Variants in ATM observed in about 807,000 individuals in gnomAD.
ATM encodes serine-protein kinase ATM.
ATM carries 308 observed loss-of-function variants against 387.0 expected under a neutral mutation model. The ratio of observed to expected loss-of-function variants is 0.80; its 90% confidence interval spans 0.73 to 0.87. The LOEUF (loss-of-function observed/expected upper bound fraction) is 0.87, where lower values mean the gene tolerates loss of function less well. ATM is among the 40% of genes least tolerant of loss of function. The pLI is 0.00. For missense variants in ATM, 3,312 were observed against 3,560.9 expected (o/e 0.93, Z 1.78); for synonymous variants, 1,156 against 1,187.3 (o/e 0.97, Z 0.54).
At chr11:108,327,148 T>C (rs1326504534) in intron 47 of ATM, among the ~76,000 whole-genome samples, 1 of 152,150 alleles carries the variant, frequency 6.6e-6, no homozygotes, top group East Asian at 1.9e-4. Context: ...TTTTTGATGT[T>C]GGGCACTCAT....
chr11:108,365,028 G>C (rs1489074906), intron 61 of ATM, 54 bp from the exon 62 acceptor site: 2 of 1,590,564 alleles, frequency 1.3e-6, no homozygotes, highest in Non-Finnish European at 1.7e-6. Context: ...CTGTTTCTAA[G>C]TATGTGATTA....
Position 108,330,296 on chromosome 11 carries a change from T to C in ATM, c.7390T>C (p.Cys2464Arg), listed in dbSNP as rs55801750. ...ALKEDRKRFL[C>R]KAVENYINCL... ...GAAAGAGGATCGTAAACGCTTCTTATGTAAAGCAGTTGAAAATTATATCAA... is the reference window on the plus strand; with the variant it reads ...GAAAGAGGATCGTAAACGCTTCTTACGTAAAGCAGTTGAAAATTATATCAA... The change falls in exon 50 of 63, where the codon TGT (cysteine) becomes CGT (arginine). Residue 2464 changes from cysteine (C) to arginine (R), a missense_variant. Around this residue, in one of 4 missense-constraint regions of ATM, gnomAD observed 1,405 missense variants for 1,604.4 expected, o/e 0.88. Coordinates refer to ENST00000675843, the MANE Select transcript of ATM (RefSeq NM_000051.4). 5.6e-4 allele frequency: 907 copies of C among 1,614,094 alleles called. No homozygotes were observed. The highest frequency in any genetic ancestry group is 7.4e-4 in the Non-Finnish European group (870 of 1,180,026).
At chr11:108,354,688 G>C in intron 60 of ATM, 123 bp from the exon 61 acceptor site, 1 of 878,464 alleles carries the variant, frequency 1.1e-6, no homozygotes, top group East Asian at 2.4e-5. Flanking sequence ...GCTATTTTGA[G>C]ATACAGATAT....
rs974245461 is a variant in ATM at position 108,368,373 on chromosome 11, GTAGT to G, written c.*2869_*2872del. ...GAAAACTGCCAAGGACAAATGAGGA[GTAGT>G]TAGATTTTGAAAATATTAATCATAG... On this transcript the variant is annotated 3_prime_UTR_variant, in exon 63 of 63. Coordinates refer to ENST00000675843, the MANE Select transcript of ATM (RefSeq NM_000051.4). The G allele has an allele frequency of 9.5e-6, 2 of 211,338 alleles. No homozygotes were observed. The highest frequency in any genetic ancestry group is 1.9e-5 in the Non-Finnish European group (2 of 104,432). 13.1% of individuals were successfully genotyped at this position (211,338 alleles called of 1,614,324 possible). A position where few individuals can be genotyped will look rare whatever the true frequency, so the allele number is the denominator to read the frequency against.
chr11:108,358,377 T>C (rs2090289546), intron 61 of ATM, among the ~76,000 whole-genome samples: 2 of 146,996 alleles, frequency 1.4e-5, no homozygotes, highest in Non-Finnish European at 3.0e-5. Flanking sequence ...CTCTGCAGGA[T>C]ATTATCCAGG....
chr11:108,281,651 C>T (rs1327365575), intron 24 of ATM, among the ~76,000 whole-genome samples: 1 of 152,174 alleles, frequency 6.6e-6, no homozygotes, highest in Admixed American at 6.5e-5. Flanking sequence ...AGAATGTTGG[C>T]CCCGTCTCTT....
chr11:108,313,516 A>C (rs1315367073), intron 40 of ATM, among the ~76,000 whole-genome samples: 1 of 152,016 alleles, frequency 6.6e-6, no homozygotes, highest in Non-Finnish European at 1.5e-5. Flanking sequence ...CTTTTCCTTA[A>C]TGTTTTATTA....
intron 27 of ATM, among the ~76,000 whole-genome samples, 185 bp from the exon 28 acceptor site, chr11:108,288,792 T>C (rs1372657962): frequency 1.3e-5 from 2 of 152,192 alleles, no homozygotes; most frequent in Admixed American, 6.5e-5. Context: ...ATTTAGATAA[T>C]CTGATTTATA....
intron 16 of ATM, 123 bp downstream of exon 16, chr11:108,259,198 T>A: frequency 2.2e-6 from 2 of 925,786 alleles, no homozygotes; most frequent in Non-Finnish European, 3.4e-6. Flanking sequence ...TTTACAAATG[T>A]GGAAATTAAG....
chr11:108,227,351 A>G, intron 1 of ATM: 1 of 401,676 alleles, frequency 2.5e-6, no homozygotes, highest in South Asian at 3.2e-5. Context: ...TACTGCAAGC[A>G]AGGCAAACAT....
chr11:108,363,434 T>C (rs1219983947), intron 61 of ATM, among the ~76,000 whole-genome samples: 1 of 152,172 alleles, frequency 6.6e-6, no homozygotes, highest in Non-Finnish European at 1.5e-5. Context: ...TGTGTTATGC[T>C]AAGGAAATAT....
chr11:108,354,070 A>ACACACACACACACACAC (rs2089570249), intron 60 of ATM, among the ~76,000 whole-genome samples, 190 bp downstream of exon 60: 10 of 114,832 alleles, frequency 8.7e-5, no homozygotes, highest in African/African-American at 2.4e-4. Flanking sequence ...CACACACACA[A>ACACACACACACACACAC]ACACACACAC....
At chr11:108,318,904 G>A (rs972682728) in intron 43 of ATM, among the ~76,000 whole-genome samples, 3 of 152,068 alleles carry the variant, frequency 2.0e-5, no homozygotes, top group Admixed American at 6.6e-5. Context: ...GGCCGAGCGC[G>A]GTGGCTCATG....
intron 61 of ATM, 142 bp from the exon 62 acceptor site, chr11:108,364,940 C>A: frequency 1.1e-6 from 1 of 884,702 alleles, no homozygotes; most frequent in South Asian, 1.6e-5. Context: ...CTCAAGGAAA[C>A]ATGAAGTGTG....
chr11:108,357,041 A>T (rs1052125546), intron 61 of ATM, among the ~76,000 whole-genome samples: 1 of 152,360 alleles, frequency 6.6e-6, no homozygotes, highest in Middle Eastern at 3.4e-3. Flanking sequence ...TACCAGGTTC[A>T]TCTCACTAGG....
At position 108,325,947 on chromosome 11, in the gene ATM, A is replaced by G. The variant is rs891367053; in HGVS notation, c.6808-111A>G. The G allele has an allele frequency of 5.3e-6, 7 of 1,319,872 alleles. No individual in the cohort carries two copies. The African/African-American group carries it at 7.3e-5, about 14-fold the overall frequency. 81.8% of individuals were successfully genotyped at this position (1,319,872 alleles called of 1,614,324 possible). A position where few individuals can be genotyped will look rare whatever the true frequency, so the allele number is the denominator to read the frequency against. ...AGAGGTCCTTAAGATAGTCCCTGACAAGTAGTTAAGTCCTCAATGAATGGT... is the reference window on the plus strand; with the variant it reads ...AGAGGTCCTTAAGATAGTCCCTGACGAGTAGTTAAGTCCTCAATGAATGGT... On this transcript the variant is annotated intron_variant, in intron 46 of 62. Transcript: ENST00000675843.
chr11:108,308,408 A>G (rs1055080099), intron 38 of ATM: 2 of 243,418 alleles, frequency 8.2e-6, no homozygotes, highest in Admixed American at 1.0e-4. Flanking sequence ...AAGTTTCTTT[A>G]CTGTGTGCAG....
chr11:108,292,854 T>G lies in ATM; in HGVS notation c.4611+61T>G. The G allele has an allele frequency of 1.9e-6, 3 of 1,567,056 alleles. No homozygotes were observed. In the South Asian group the frequency reaches 3.4e-5, roughly 18 times the overall value. On this transcript the variant is annotated intron_variant, in intron 30 of 62. Transcript: ENST00000675843. ...AATATATAAAGTATTGTTAGAAGGA[T>G]TTGAGTGTTTTATGTTTATTTGGTA... is the stretch of plus-strand genomic sequence containing the variant.
In ATM at chr11:108,276,793, G is replaced by A. The variant is rs1244040273; in HGVS notation, c.3285-2698G>A. Among the ~76,000 whole-genome samples the A allele has an allele frequency of 6.6e-6, 1 of 152,160 alleles. No individual in the cohort carries two copies. Among genetic ancestry groups the A allele is most frequent in the Non-Finnish European group, 1.5e-5 (1 of 68,032 alleles). Reference sequence around the variant, plus strand: ...CAGCGGGAGCTCTTCTGTATGAGGTGTCTGTCGACCCCTGCTGGGAGGTGT... The same window carrying A: ...CAGCGGGAGCTCTTCTGTATGAGGTATCTGTCGACCCCTGCTGGGAGGTGT... On this transcript the variant is annotated intron_variant, in intron 22 of 62. Coordinates refer to ENST00000675843, the MANE Select transcript of ATM (RefSeq NM_000051.4).
Sources: allele counts gnomAD v4.1 joint callset (sites outside exome capture counted in the v4.1 genomes callset), GRCh38; gene constraint gnomAD v4.1.1; regional missense constraint gnomAD v4.1.1; transcripts MANE v1.5; gene names NCBI Gene and HGNC (gene_info 2026-07-23, HGNC 2026-07-21).